POT1: variants seen among roughly 807,000 people sequenced by gnomAD.
POT1 encodes protection of telomeres 1.
Under a neutral mutation model 78.5 loss-of-function variants are expected in POT1, and 47 were observed. The observed-to-expected ratio is 0.60, with a 90% CI of 0.47 to 0.76. The LOEUF is 0.76. POT1 is among the 30% of genes least tolerant of loss of function. POT1 has a pLI of 0.00. For synonymous variants in POT1, 259 were observed against 260.7 expected, an observed-to-expected ratio of 0.99 and a Z score of 0.06; for missense variants, 646 against 749.9, an observed-to-expected ratio of 0.86 and a Z score of 1.62.
chr7:124,863,263 TTA>T, intron 8 of POT1, 85 bp downstream of exon 8: 1 of 1,299,540 alleles, frequency 7.7e-7, no homozygotes, highest in Non-Finnish European at 1.1e-6. Context: ...ACAGCATGCT[TTA>T]TCTCATCAGA....
At chr7:124,850,483 T>C (rs1486718224) in intron 11 of POT1, among the ~76,000 whole-genome samples, 3 of 152,186 alleles carry the variant, frequency 2.0e-5, no homozygotes, top group African/African-American at 7.2e-5. Flanking sequence ...ATCCCAGCAC[T>C]TTGGGAGCCC....
intron 6 of POT1, among the ~76,000 whole-genome samples, chr7:124,882,779 T>C (rs1032717121): frequency 6.6e-6 from 1 of 152,066 alleles, no homozygotes; most frequent in Non-Finnish European, 1.5e-5. Context: ...ATTCTCTAAA[T>C]TAGTATGCTA....
Position 124,863,391 on chromosome 7 carries a change from A to G in POT1, c.505T>C (p.Leu169=). The G allele has an allele frequency of 1.9e-6, 3 of 1,613,872 alleles. No individual in the cohort carries two copies. Among genetic ancestry groups the G allele is most frequent in the East Asian group, 2.2e-5 (1 of 44,874 alleles). Residue 169 remains leucine (L), a synonymous_variant, in exon 8 of 19, where the codon TTG becomes CTG. Transcript: ENST00000357628. The stretch of plus-strand genomic sequence containing the variant: ...GCTCCGTCCACTTCTGCTTTGCCCA[A>G]GAGCTGACAAGTCAGGTCAAAATAC... ...MQYFDLTCQL[L]GKAEVDGASF... is the part of the protein sequence containing the mutation.
At position 124,916,934 on chromosome 7, in the gene POT1, C is replaced by T. The variant is rs1054841020; in HGVS notation, c.-226-1288G>A. ...GCTTGGCTCTTTCTCCTCTATCTTTCTTTCAGAACAAAGGACTTAAAATGC... is the reference window on the plus strand; with the variant it reads ...GCTTGGCTCTTTCTCCTCTATCTTTTTTTCAGAACAAAGGACTTAAAATGC... On this transcript the variant is annotated intron_variant, in intron 2 of 18. Transcript: ENST00000357628. Among the ~76,000 whole-genome samples, 6 of 152,188 alleles carry T rather than the reference C, an allele frequency of 3.9e-5. No individual in the cohort carries two copies. In the East Asian group the frequency reaches 1.2e-3, roughly 29 times the overall value.
At chr7:124,917,116 C>T (rs1797032448) in intron 2 of POT1, among the ~76,000 whole-genome samples, 1 of 152,038 alleles carries the variant, frequency 6.6e-6, no homozygotes, top group Non-Finnish European at 1.5e-5. Flanking sequence ...CAGCTAGAGG[C>T]AAAGCAGGAT....
In POT1 at chr7:124,845,558, C is replaced by A. The variant is rs1187764539; in HGVS notation, c.1006+1384G>T. Among the ~76,000 whole-genome samples the A allele has an allele frequency of 2.6e-5, 4 of 152,152 alleles. No homozygotes were observed. In the East Asian group the frequency reaches 7.7e-4, roughly 29 times the overall value. On this transcript the variant is annotated intron_variant, in intron 12 of 18. Transcript: ENST00000357628. The stretch of plus-strand genomic sequence containing the variant: ...TCAGCTGGTAAAGGTAGTGTCCAAT[C>A]ACTTCTCTACTAAAAACTTACTGTT...
chr7:124,863,145 T>C (rs1795639781), intron 8 of POT1, among the ~76,000 whole-genome samples: 3 of 152,112 alleles, frequency 2.0e-5, no homozygotes, highest in African/African-American at 4.8e-5. Context: ...AATAACACTA[T>C]ATTTCTCTGG....
intron 15 of POT1, among the ~76,000 whole-genome samples, chr7:124,833,957 C>T (rs1177717606): frequency 6.6e-6 from 1 of 152,164 alleles, no homozygotes; most frequent in Non-Finnish European, 1.5e-5. Flanking sequence ...AACACCACCA[C>T]ACATCTGCAA....
Position 124,886,544 on chromosome 7 carries a change from T to A in POT1, c.124+5722A>T, listed in dbSNP as rs78406327. Reference sequence around the variant, plus strand: ...CTAGTAGTCAAGACATCTTGCTATGTCTTAAGATTTATTTAAAAGCTTCAA... The same window carrying A: ...CTAGTAGTCAAGACATCTTGCTATGACTTAAGATTTATTTAAAAGCTTCAA... On this transcript the variant is annotated intron_variant, in intron 6 of 18. Transcript: ENST00000357628. Among the ~76,000 whole-genome samples the A allele has an allele frequency of 8.7e-3, 1,321 of 152,258 alleles. 9 individuals carry two copies. The highest frequency in any genetic ancestry group is 0.013 in the Non-Finnish European group (897 of 67,978).
intron 6 of POT1, among the ~76,000 whole-genome samples, chr7:124,883,365 T>C (rs1219106242): frequency 6.6e-6 from 1 of 152,108 alleles, no homozygotes; most frequent in African/African-American, 2.4e-5. Flanking sequence ...GTTATAGTAA[T>C]TGTATTGTAA....
chr7:124,923,343 G>A (rs577425471), intron 2 of POT1, among the ~76,000 whole-genome samples: 2 of 151,526 alleles, frequency 1.3e-5, no homozygotes, highest in African/African-American at 2.4e-5. Context: ...AAAAGAAAAC[G>A]GAAACCATGA....
At position 124,892,360 on chromosome 7, in the gene POT1, T is replaced by C. The variant is rs367937904; in HGVS notation, c.30A>G (p.Ile10Met). ...CCTTAAGTTGATTCAGGGGTGTATATATATAATTTGTTGCTGGAACCTAAA... is the reference window on the plus strand; with the variant it reads ...CCTTAAGTTGATTCAGGGGTGTATACATATAATTTGTTGCTGGAACCTAAA... MSLVPATNY[I>M]YTPLNQLKGG... Residue 10 changes from isoleucine (I) to methionine (M), a missense_variant, in exon 6 of 19, where the codon ATA (isoleucine) becomes ATG (methionine). Around this residue, in one of 2 missense-constraint regions of POT1, gnomAD observed 252 missense variants for 341.4 expected, o/e 0.74. Transcript: ENST00000357628. 3.4e-6 allele frequency: 5 copies of C among 1,481,840 alleles called. No individual in the cohort carries two copies. The African/African-American group carries it at 5.9e-5, about 18-fold the overall frequency. The allele number at this position is 1,481,840 out of a possible 1,614,324, so 91.8% of individuals were successfully genotyped here.
chr7:124,838,579 G>A (rs1794949645), intron 14 of POT1, among the ~76,000 whole-genome samples: 1 of 151,832 alleles, frequency 6.6e-6, no homozygotes, highest in Non-Finnish European at 1.5e-5. Flanking sequence ...TTAGTTCTCT[G>A]TCTCCACCGT....
At chr7:124,884,994 C>T (rs188473909) in intron 6 of POT1, among the ~76,000 whole-genome samples, 4 of 152,130 alleles carry the variant, frequency 2.6e-5, no homozygotes, top group African/African-American at 2.4e-5. Flanking sequence ...TATGTGTCCA[C>T]GGCAAAAACT....
At chr7:124,923,297 G>A (rs1797195551) in intron 2 of POT1, among the ~76,000 whole-genome samples, 2 of 151,752 alleles carry the variant, frequency 1.3e-5, no homozygotes, top group Non-Finnish European at 2.9e-5. Flanking sequence ...TTATGAATGA[G>A]AGATTTACCA....
rs141782737 is a variant in POT1 at position 124,828,831 on chromosome 7, C to T, written c.1594+423G>A. 1,334 of 499,110 alleles carry T rather than the reference C, an allele frequency of 2.7e-3. 16 individuals carry two copies. The highest frequency in any genetic ancestry group is 0.022 in the African/African-American group (1,148 of 51,424). The allele number at this position is 499,110 out of a possible 1,614,324, so 30.9% of individuals were successfully genotyped here. ...GTATCAAAAAGGAAAGAAAACAAAA[C>T]CAAGTGTACAAATAAATAGCTATAC... On this transcript the variant is annotated intron_variant, in intron 16 of 18. Transcript: ENST00000357628.
chr7:124,873,415 A>G (rs1264014223), intron 6 of POT1, among the ~76,000 whole-genome samples: 1 of 152,204 alleles, frequency 6.6e-6, no homozygotes, highest in Non-Finnish European at 1.5e-5. Context: ...TGATTTGCAT[A>G]TGTGGAACCA....
chr7:124,862,111 G>A (rs1385649905), intron 8 of POT1, among the ~76,000 whole-genome samples: 1 of 151,864 alleles, frequency 6.6e-6, no homozygotes, highest in Non-Finnish European at 1.5e-5. Flanking sequence ...TTTCAATATT[G>A]TATTTTAAAC....
intron 6 of POT1, among the ~76,000 whole-genome samples, chr7:124,885,840 A>G (rs1796232614): frequency 6.6e-6 from 1 of 152,116 alleles, no homozygotes; most frequent in African/African-American, 2.4e-5. Context: ...ACATTTCAAT[A>G]TATGTTGCTT....
Sources: gnomAD v4.1 joint callset for allele counts (sites outside exome capture counted in the v4.1 genomes callset) on GRCh38, gnomAD v4.1.1 for gene constraint, gnomAD v4.1.1 regional missense constraint, MANE v1.5 for transcripts, NCBI Gene and HGNC (gene_info 2026-07-23, HGNC 2026-07-21) for gene names.